Variants in ADGRG2 observed in about 807,000 individuals in gnomAD.
The protein encoded by ADGRG2 is G protein-coupled receptor 64.
ADGRG2 carries 26 observed loss-of-function variants against 74.1 expected under a neutral mutation model. The observed-to-expected ratio is 0.35, with a 90% CI of 0.26 to 0.49. The LOEUF (loss-of-function observed/expected upper bound fraction) is 0.49. Among genes scored for constraint, ADGRG2 ranks in the 20% least tolerant of loss-of-function variants. The probability of loss-of-function intolerance (pLI) is 0.99; values close to 1 mark genes in which losing one functional copy is unlikely to be tolerated. For missense variants in ADGRG2, 619 were observed against 763.1 expected (o/e 0.81, Z 2.22); for synonymous variants, 296 against 295.2 (o/e 1.00, Z -0.03).
At chrX:19,080,764 C>T (rs958425142) in intron 2 of ADGRG2, among the ~76,000 whole-genome samples, 12 of 110,092 alleles carry the variant, frequency 1.1e-4, no homozygotes, top group African/African-American at 1.7e-4. Flanking sequence ...GGTACAATCT[C>T]GGCTTGCTGC....
intron 3 of ADGRG2, among the ~76,000 whole-genome samples, chrX:19,051,331 T>G (rs975073690): frequency 2.7e-5 from 3 of 110,580 alleles, no homozygotes; most frequent in Non-Finnish European, 5.7e-5. Context: ...GCCTCGGCCT[T>G]CCAAAGTGCT....
At chrX:19,071,698 ATGGG>A (rs1057395206) in intron 2 of ADGRG2, among the ~76,000 whole-genome samples, 12 of 111,562 alleles carry the variant, frequency 1.1e-4, no homozygotes, top group South Asian at 3.9e-4. Context: ...TGCCAATTAC[ATGGG>A]TGTGTTCAGT....
chrX:19,011,835 A>ACT (rs368325643), intron 16 of ADGRG2, among the ~76,000 whole-genome samples: 1,428 of 109,767 alleles, frequency 0.013, 28 homozygotes, highest in African/African-American at 0.043. Flanking sequence ...ACAGAGTGAG[A>ACT]CTCTCTCTCT....
chrX:19,041,499 A>G (rs764565913), intron 3 of ADGRG2, among the ~76,000 whole-genome samples: 18 of 112,371 alleles, frequency 1.6e-4, no homozygotes, highest in Non-Finnish European at 3.0e-4. Flanking sequence ...ATAGGAAAGA[A>G]TAAGTATGTT....
intron 26 of ADGRG2, among the ~76,000 whole-genome samples, chrX:18,997,828 T>C (rs2060046422): frequency 9.0e-6 from 1 of 111,719 alleles, no homozygotes; most frequent in African/African-American, 3.3e-5. Flanking sequence ...ACAGGAAAGA[T>C]GAACAAAAGC....
intron 13 of ADGRG2, among the ~76,000 whole-genome samples, chrX:19,022,421 C>T (rs1046210802): frequency 8.9e-6 from 1 of 111,783 alleles, no homozygotes; most frequent in Non-Finnish European, 1.9e-5. Context: ...GAACTAAATA[C>T]GTACAGTGGA....
chrX:19,007,901 A>C (rs775414287), intron 19 of ADGRG2, 79 bp downstream of exon 19: 2 of 863,604 alleles, frequency 2.3e-6, no homozygotes, highest in East Asian at 3.2e-5. Context: ...AGCCTTAAGA[A>C]TATTCGAGCA....
intron 15 of ADGRG2, 167 bp downstream of exon 15, chrX:19,019,432 A>G (rs1294444921): frequency 4.8e-6 from 2 of 412,426 alleles, no homozygotes. Context: ...ATTTCAAACC[A>G]CTGGTTTAAG....
chrX:19,015,871 A>G (rs775242105), intron 15 of ADGRG2, among the ~76,000 whole-genome samples: 59 of 112,419 alleles, frequency 5.2e-4, no homozygotes, highest in Non-Finnish European at 7.3e-4. Flanking sequence ...GGTGCTTTGC[A>G]AAGTATACAT....
chrX:19,077,267 C>T (rs1473476653), intron 2 of ADGRG2, among the ~76,000 whole-genome samples: 4 of 99,554 alleles, frequency 4.0e-5, no homozygotes, highest in Admixed American at 1.2e-4. Context: ...GAGGCCGAAG[C>T]GGGTGGATCA....
intron 1 of ADGRG2, among the ~76,000 whole-genome samples, chrX:19,098,121 C>A (rs1449099900): frequency 8.9e-6 from 1 of 112,352 alleles, no homozygotes; most frequent in Non-Finnish European, 1.9e-5. Context: ...AGAAAGCTAA[C>A]TGCAAGTGAG....
chrX:19,121,468 G>A (rs747804149), intron 1 of ADGRG2, among the ~76,000 whole-genome samples: 6 of 111,314 alleles, frequency 5.4e-5, no homozygotes, highest in Non-Finnish European at 9.4e-5. Flanking sequence ...TGGGGGTAGA[G>A]GTGGCAAAGA....
intron 3 of ADGRG2, among the ~76,000 whole-genome samples, chrX:19,056,787 C>T (rs1203215867): frequency 1.8e-5 from 2 of 111,345 alleles, no homozygotes; most frequent in East Asian, 5.7e-4. Context: ...TAATCTGTAA[C>T]TCTGATTTGG....
chrX:19,001,369 C>T (rs968951299), intron 24 of ADGRG2, among the ~76,000 whole-genome samples: 4 of 111,878 alleles, frequency 3.6e-5, no homozygotes, highest in African/African-American at 9.7e-5. Flanking sequence ...GACCAGCAGA[C>T]GTCCTATCTC....
Position 19,013,896 on chromosome X carries a change from C to A in ADGRG2, c.889G>T (p.Gly297Trp). 1 of 1,209,689 alleles carries A rather than the reference C, an allele frequency of 8.3e-7. No individual in the cohort carries two copies. Among genetic ancestry groups the A allele is most frequent in the African/African-American group, 1.7e-5 (1 of 57,525 alleles). ...PVTHNVPSPIGEIQPLSPQPS... is the reference protein window; with the variant it reads ...PVTHNVPSPIWEIQPLSPQPS... ...TGGGGTGAAAGGGGTTGAATCTCCC[C>A]TATTGGAGAGGGAACATTGTGGGTC... Residue 297 changes from glycine to tryptophan, a missense_variant, in exon 16 of 29, where the codon GGG (glycine) becomes TGG (tryptophan). Gly to Trp is a radical substitution (Grantham distance 184). Transcript: ENST00000379869.
At chrX:19,039,268 CCA>C (rs1487866853) in intron 4 of ADGRG2, 2 of 331,209 alleles carry the variant, frequency 6.0e-6, no homozygotes, top group Non-Finnish European at 1.2e-5. Flanking sequence ...TCCCCAAGCC[CCA>C]GTTTCCTCAT....
rs953902240 is a variant in ADGRG2 at position 19,063,265 on chromosome X, C to G, written c.118+5452G>C. ...GCTACTGTGTTTACGGTCCAGATCT[C>G]CCAGAGCCCCGGGTCGGGGGAGCTG... On this transcript the variant is annotated intron_variant, in intron 3 of 28. Transcript: ENST00000379869. 4.5e-5 allele frequency among the ~76,000 whole-genome samples: 5 copies of G among 111,777 alleles called. No homozygotes were observed. The Admixed American group carries it at 4.7e-4, about 11-fold the overall frequency.
intron 2 of ADGRG2, among the ~76,000 whole-genome samples, chrX:19,080,481 T>C (rs1429286833): frequency 9.0e-6 from 1 of 111,143 alleles, no homozygotes; most frequent in African/African-American, 3.3e-5. Context: ...CCACTTATAG[T>C]GTAAACTTGG....
intron 11 of ADGRG2, 128 bp from the exon 12 acceptor site, chrX:19,024,076 T>C (rs2060650102): frequency 5.3e-5 from 26 of 489,114 alleles, no homozygotes; most frequent in South Asian, 2.9e-4. Flanking sequence ...TTTGAAGAAA[T>C]AGAGAGTATA....
Sources: gnomAD v4.1 joint callset for allele counts (sites outside exome capture counted in the v4.1 genomes callset) on GRCh38, gnomAD v4.1.1 for gene constraint, MANE v1.5 for transcripts, NCBI Gene and HGNC (gene_info 2026-07-23, HGNC 2026-07-21) for gene names.